The following MUC5B variants were observed in gnomAD, a reference collection of about 807,000 sequenced individuals.
The protein encoded by MUC5B is mucin 5B, oligomeric mucus/gel-forming.
Under a neutral mutation model 376.9 loss-of-function variants are expected in MUC5B, and 116 were observed. That is an observed-to-expected ratio of 0.31 (90% CI 0.26 to 0.36). The LOEUF is 0.36. Among genes scored for constraint, MUC5B ranks in the 10% least tolerant of loss-of-function variants. The pLI is 1.00. For missense variants in MUC5B, 7,165 were observed against 7,769.9 expected (o/e 0.92, Z 2.93); for synonymous variants, 3,517 against 3,390.9 (o/e 1.04, Z -1.29).
In MUC5B at chr11:1,234,533, GCA is replaced by G; in HGVS notation, c.2489_2490del (p.His830LeufsTer77). On this transcript the variant is annotated frameshift_variant, in exon 21 of 49. Transcript: ENST00000529681. LOFTEE classifies it high-confidence loss of function. The surrounding 1 kb of genome is among the most constrained non-coding windows in gnomAD (Gnocchi z 6.3). ...GTACCTGCCTGGGCCCCACAGTTCAGCACACACTGCGTGTCCGGCTGTGTCTG... is the reference window on the plus strand; with the variant it reads ...GTACCTGCCTGGGCCCCACAGTTCAGCACACTGCGTGTCCGGCTGTGTCTG... The G allele has an allele frequency of 1.3e-6, 2 of 1,579,344 alleles. No individual in the cohort carries two copies. The highest frequency in any genetic ancestry group is 8.6e-7 in the Non-Finnish European group (1 of 1,163,490).
chr11:1,250,476 C>T lies in MUC5B; in HGVS notation c.13596C>T (p.Thr4532=). 1 of 1,597,642 alleles carries T rather than the reference C, an allele frequency of 6.3e-7. No homozygotes were observed. Among genetic ancestry groups the T allele is most frequent in the South Asian group, 1.1e-5 (1 of 90,806 alleles). Reference sequence around the variant, plus strand: ...CCATCCCCTCCTCCTCCCTGGGCACCACCTGGACCCGCCTATCACAGACCA... The same window carrying T: ...CCATCCCCTCCTCCTCCCTGGGCACTACCTGGACCCGCCTATCACAGACCA... ...FTAIPSSSLG[T]TWTRLSQTTT... Residue 4532 remains threonine, a synonymous_variant, in exon 31 of 49, where the codon ACC becomes ACT. Transcript: ENST00000529681.
In MUC5B at chr11:1,249,534, C is replaced by A; in HGVS notation, c.12654C>A (p.Ile4218=). The A allele has an allele frequency of 6.2e-7, 1 of 1,612,564 alleles. No homozygotes were observed. Among genetic ancestry groups the A allele is most frequent in the Non-Finnish European group, 8.5e-7 (1 of 1,179,676 alleles). ...GKFKMCFNYE[I]RVFCCNYGHC... The stretch of plus-strand genomic sequence containing the variant: ...TCAAGATGTGCTTCAACTATGAAAT[C>A]CGTGTGTTCTGCTGCAACTACGGCC... The change falls in exon 31 of 49, where the codon ATC becomes ATA. Residue 4218 remains isoleucine, a synonymous_variant. Transcript: ENST00000529681.
In MUC5B at chr11:1,257,714, A is replaced by C; in HGVS notation, c.16450+4A>C. 1.9e-6 allele frequency: 3 copies of C among 1,543,506 alleles called. No individual in the cohort carries two copies. Among genetic ancestry groups the C allele is most frequent in the Non-Finnish European group, 2.6e-6 (3 of 1,150,872 alleles). On this transcript the variant is annotated splice_donor_region_variant and intron_variant, in intron 41 of 48. Transcript: ENST00000529681. The surrounding 1 kb of genome is among the most constrained non-coding windows in gnomAD (Gnocchi z 8.9). ...TGCTGCCCCGAGACGGTGTGCGGTA[A>C]GACGCTGCAGAGCAGAGGTGCCCGG...
Position 1,253,381 on chromosome 11 carries a change from T to C in MUC5B, c.15217+401T>C, listed in dbSNP as rs1862754409. 6.6e-6 allele frequency among the ~76,000 whole-genome samples: 1 copy of C among 151,900 alleles called. No individual in the cohort carries two copies. Among genetic ancestry groups the C allele is most frequent in the African/African-American group, 2.4e-5 (1 of 41,342 alleles). On this transcript the variant is annotated intron_variant, in intron 33 of 48. Transcript: ENST00000529681. The surrounding 1 kb of genome is among the most constrained non-coding windows in gnomAD (Gnocchi z 4.3). ...GAAAGGGACCCTGCCCAGGGGCTTC[T>C]GGGGCCAGGAGAAGCTCAGGATGGA...
chr11:1,257,444 C>T lies in MUC5B; in HGVS notation c.16270-86C>T. The T allele has an allele frequency of 6.6e-7, 1 of 1,512,414 alleles. No homozygotes were observed. The highest frequency in any genetic ancestry group is 9.0e-7 in the Non-Finnish European group (1 of 1,109,748). The allele number at this position is 1,512,414 out of a possible 1,614,324, so 93.7% of individuals were successfully genotyped here. ...TCACTCTGGGCCACTCGGGTACCAG[C>T]CCGAGGGAGGGGGTGGCTGGACAGA... is the stretch of plus-strand genomic sequence containing the variant. On this transcript the variant is annotated intron_variant, in intron 40 of 48. Coordinates refer to ENST00000529681, the MANE Select transcript of MUC5B (RefSeq NM_002458.3). This position sits in a 1 kb window ranked among gnomAD's most constrained non-coding sequence, Gnocchi z 8.9.
Position 1,232,808 on chromosome 11 carries a change from G to A in MUC5B, c.2065+38G>A, listed in dbSNP as rs11026355. ...GCTGGGGGTGGGATGTGTCCACACC[G>A]CGTGGGGGTGCGGGGGACCCTGGCC... is the stretch of plus-strand genomic sequence containing the variant. On this transcript the variant is annotated intron_variant, in intron 17 of 48. Transcript: ENST00000529681. 482,353 of 1,545,292 alleles carry A rather than the reference G, an allele frequency of 0.31. 77,533 individuals carry two copies. The highest frequency in any genetic ancestry group is 0.6 in the East Asian group (25,830 of 43,300).
chr11:1,240,983 G>C lies in MUC5B; in HGVS notation c.4103G>C (p.Gly1368Ala), dbSNP rs765109151. The C allele has an allele frequency of 2.5e-6, 4 of 1,613,422 alleles. No homozygotes were observed. The highest frequency in any genetic ancestry group is 2.5e-6 in the Non-Finnish European group (3 of 1,179,838). ...ACGTTTGAAAACCTGAGGCAGAGAG[G>C]GTACCAGGTATGCCCTGTGCTGGCT... Reference protein sequence around the residue: ...FETFENLRQRGYQVCPVLADI... With the variant: ...FETFENLRQRAYQVCPVLADI... The change falls in exon 31 of 49, where the codon GGG becomes GCG. Residue 1368 changes from glycine to alanine, a missense_variant. Around this residue, in one of 31 missense-constraint regions of MUC5B, gnomAD observed 517 missense variants for 545.3 expected, o/e 0.95. Coordinates refer to ENST00000529681, the MANE Select transcript of MUC5B (RefSeq NM_002458.3).
chr11:1,246,395 C>T lies in MUC5B; in HGVS notation c.9515C>T (p.Thr3172Ile). 1 of 1,613,626 alleles carries T rather than the reference C, an allele frequency of 6.2e-7. No individual in the cohort carries two copies. Among genetic ancestry groups the T allele is most frequent in the South Asian group, 1.1e-5 (1 of 91,050 alleles). Residue 3172 changes from threonine to isoleucine, a missense_variant, in exon 31 of 49, where the codon ACC (threonine) becomes ATC (isoleucine). Transcript: ENST00000529681. ...WILTEPSTTATVTVPTGSTAT... is the reference protein window; with the variant it reads ...WILTEPSTTAIVTVPTGSTAT... ...CTCACAGAGCCCAGCACTACAGCCACCGTGACGGTGCCCACCGGATCCACG... is the reference window on the plus strand; with the variant it reads ...CTCACAGAGCCCAGCACTACAGCCATCGTGACGGTGCCCACCGGATCCACG...
chr11:1,236,785 T>C (rs1354218166), intron 24 of MUC5B, 140 bp from the exon 25 acceptor site: 29 of 1,177,940 alleles, frequency 2.5e-5, no homozygotes, highest in Non-Finnish European at 3.0e-5. Flanking sequence ...CTCCTACAAG[T>C]TCACCAGGCA....
chr11:1,250,530 C>T lies in MUC5B; in HGVS notation c.13650C>T (p.Ala4550=). Residue 4550 remains alanine (A), a synonymous_variant, in exon 31 of 49, where the codon GCC becomes GCT. Coordinates refer to ENST00000529681, the MANE Select transcript of MUC5B (RefSeq NM_002458.3). ...TTTPTATMST[A]TPSSTPETVH... is the part of the protein sequence containing the mutation. ...CACCCACGGCCACCATGTCCACAGC[C>T]ACACCCTCCTCCACTCCAGAGACTG... 6.2e-7 allele frequency: 1 copy of T among 1,613,340 alleles called. No individual in the cohort carries two copies. The highest frequency in any genetic ancestry group is 8.5e-7 in the Non-Finnish European group (1 of 1,179,560).
chr11:1,242,813 C>A lies in MUC5B; in HGVS notation c.5933C>A (p.Thr1978Asn), dbSNP rs370130228. Residue 1978 changes from threonine to asparagine, a missense_variant, in exon 31 of 49, where the codon ACC becomes AAC. Physicochemically the swap from Thr to Asn is moderately conservative, Grantham distance 65. Around this residue, in one of 31 missense-constraint regions of MUC5B, gnomAD observed 897 missense variants for 779.6 expected, o/e 1.15. Coordinates refer to ENST00000529681, the MANE Select transcript of MUC5B (RefSeq NM_002458.3). ...AGCACAGCCACCACACCCACAGCTACCAGCGTTACACCCATCCCCTCTTCC... is the reference window on the plus strand; with the variant it reads ...AGCACAGCCACCACACCCACAGCTAACAGCGTTACACCCATCCCCTCTTCC... ...LRSTATTPTA[T>N]SVTPIPSSSL... 6.2e-7 allele frequency: 1 copy of A among 1,613,174 alleles called. No individual in the cohort carries two copies. Among genetic ancestry groups the A allele is most frequent in the African/African-American group, 1.3e-5 (1 of 74,734 alleles).
rs768873916 is a variant in MUC5B at position 1,254,202 on chromosome 11, G to C, written c.15328G>C (p.Gly5110Arg). The C allele has an allele frequency of 9.3e-6, 15 of 1,612,696 alleles. No homozygotes were observed. The East Asian group carries it at 3.3e-4, about 36-fold the overall frequency. ...CATGAGAGAGATCCATGCACGCTTT[G>C]GGAATCTCAGCCTCTACCTGGACAA... The part of the protein sequence containing the change: ...VLMREIHARF[G>R]NLSLYLDNHY... The change falls in exon 34 of 49, where the codon GGG becomes CGG. Residue 5110 changes from glycine to arginine, a missense_variant. Around this residue, in one of 31 missense-constraint regions of MUC5B, gnomAD observed 842 missense variants for 1,016.9 expected, o/e 0.83. Coordinates refer to ENST00000529681, the MANE Select transcript of MUC5B (RefSeq NM_002458.3).
chr11:1,233,900 C>T lies in MUC5B; in HGVS notation c.2377+52C>T, dbSNP rs1251675221. ...CCCTGCCCCGCCCCGCATCACCCCG[C>T]CTGGCCTGGCCCCAACACGCCCCAC... On this transcript the variant is annotated intron_variant, in intron 19 of 48. Coordinates refer to ENST00000529681, the MANE Select transcript of MUC5B (RefSeq NM_002458.3). The T allele has an allele frequency of 2.0e-6, 3 of 1,527,998 alleles. No homozygotes were observed. In the African/African-American group the frequency reaches 4.1e-5, roughly 21 times the overall value. The allele number at this position is 1,527,998 out of a possible 1,614,324, so 94.7% of individuals were successfully genotyped here. A position where few individuals can be genotyped will look rare whatever the true frequency, so the allele number is the denominator to read the frequency against.
rs925000468 is a variant in MUC5B, at chr11:1,239,846, C to G, written c.3631C>G (p.Gln1211Glu). 3 of 1,613,128 alleles carry G rather than the reference C, an allele frequency of 1.9e-6. No individual in the cohort carries two copies. The highest frequency in any genetic ancestry group is 1.1e-5 in the South Asian group (1 of 90,878). ...CAGCCAGCCCTTCTTCAATGAGGACCAGATGAAGTGCGTGGCCCAGTGTGG... is the reference window on the plus strand; with the variant it reads ...CAGCCAGCCCTTCTTCAATGAGGACGAGATGAAGTGCGTGGCCCAGTGTGG... ...PPSQPFFNED[Q>E]MKCVAQCGCY... Residue 1211 changes from glutamine to glutamate, a missense_variant, in exon 28 of 49, where the codon CAG becomes GAG. Physicochemically the swap from Gln to Glu is conservative, Grantham distance 29. This residue lies in a region of MUC5B where 517 missense variants were observed against 545.3 expected (regional missense o/e 0.95). Transcript: ENST00000529681.
Position 1,227,762 on chromosome 11 carries a change from C to A in MUC5B, c.755C>A (p.Ala252Asp). The A allele has an allele frequency of 1.4e-6, 1 of 717,860 alleles. No individual in the cohort carries two copies. Among genetic ancestry groups the A allele is most frequent in the Non-Finnish European group, 2.6e-6 (1 of 385,176 alleles). The allele number at this position is 717,860 out of a possible 1,614,324, so 44.5% of individuals were successfully genotyped here. A position where few individuals can be genotyped will look rare whatever the true frequency, so the allele number is the denominator to read the frequency against. Residue 252 changes from alanine to aspartate, a missense_variant, in exon 7 of 49, where the codon GCC (alanine) becomes GAC (aspartate). Physicochemically the swap from Ala to Asp is moderately radical, Grantham distance 126 (BLOSUM62 -2). Coordinates refer to ENST00000529681, the MANE Select transcript of MUC5B (RefSeq NM_002458.3). ...EQCPDPLPLP[A>D]GNCTDEEGIC... The stretch of plus-strand genomic sequence containing the variant: ...TGCCCGGACCCGCTGCCCTTGCCGG[C>A]CGGCAACTGCACGGACGAGGTGAGT...
In MUC5B at chr11:1,229,221, C is replaced by T. The variant is rs530167412; in HGVS notation, c.1028C>T (p.Thr343Met). 26 of 1,600,028 alleles carry T rather than the reference C, an allele frequency of 1.6e-5. 1 individual carries two copies. The highest frequency in any genetic ancestry group is 6.7e-5 in the South Asian group (6 of 89,178). ...MQHQECGSPC[T>M]DTCSNPQRAQ... is the part of the protein sequence containing the mutation. Reference sequence around the variant, plus strand: ...CACCAGGAGTGTGGCTCACCCTGCACGGACACCTGCTCCAACCCCCAGCGC... The same window carrying T: ...CACCAGGAGTGTGGCTCACCCTGCATGGACACCTGCTCCAACCCCCAGCGC... Residue 343 changes from threonine to methionine, a missense_variant, in exon 9 of 49, where the codon ACG becomes ATG. This residue lies in a region of MUC5B where 640 missense variants were observed against 733.0 expected (regional missense o/e 0.87). Transcript: ENST00000529681.
rs760285935 is a variant in MUC5B, at chr11:1,236,491, G to A, written c.2986G>A (p.Glu996Lys). 3.7e-6 allele frequency: 6 copies of A among 1,613,026 alleles called. No homozygotes were observed. Among genetic ancestry groups the A allele is most frequent in the East Asian group, 2.2e-5 (1 of 44,890 alleles). Reference protein sequence around the residue: ...IRYMGIFLVIETHGMAVSWDR... With the variant: ...IRYMGIFLVIKTHGMAVSWDR... ...CTACATGGGGATCTTCCTGGTCATC[G>A]AGACCCACGGGATGGCCGTGTCCTG... The change falls in exon 24 of 49, where the codon GAG becomes AAG. Residue 996 changes from glutamate (E) to lysine (K), a missense_variant. Coordinates refer to ENST00000529681, the MANE Select transcript of MUC5B (RefSeq NM_002458.3).
Position 1,250,220 on chromosome 11 carries a change from C to A in MUC5B, c.13340C>A (p.Thr4447Asn). Residue 4447 changes from threonine (T) to asparagine (N), a missense_variant, in exon 31 of 49, where the codon ACC becomes AAC. Thr to Asn is a moderately conservative substitution (Grantham distance 65). Transcript: ENST00000529681. Reference sequence around the variant, plus strand: ...ACCCCGTCCTCCACCCCAGGGACCACCTGGATCCTCACAGAGCCGAGCACT... The same window carrying A: ...ACCCCGTCCTCCACCCCAGGGACCAACTGGATCCTCACAGAGCCGAGCACT... ...TATPSSTPGT[T>N]WILTEPSTTA... 3 of 1,609,380 alleles carry A rather than the reference C, an allele frequency of 1.9e-6. No homozygotes were observed. Among genetic ancestry groups the A allele is most frequent in the East Asian group, 2.2e-5 (1 of 44,842 alleles).
Position 1,246,605 on chromosome 11 carries a change from C to T in MUC5B, c.9725C>T (p.Ser3242Phe). The T allele has an allele frequency of 3.7e-6, 6 of 1,613,392 alleles. No homozygotes were observed. Among genetic ancestry groups the T allele is most frequent in the Non-Finnish European group, 5.1e-6 (6 of 1,179,634 alleles). Residue 3242 changes from serine (S) to phenylalanine (F), a missense_variant, in exon 31 of 49, where the codon TCT (serine) becomes TTT (phenylalanine). By Grantham distance (155) the Ser-to-Phe change is radical. Around this residue, in one of 31 missense-constraint regions of MUC5B, gnomAD observed 939 missense variants for 770.6 expected, o/e 1.22. Coordinates refer to ENST00000529681, the MANE Select transcript of MUC5B (RefSeq NM_002458.3). ...GCTACCAGCGTTACAGCCATCCCCT[C>T]TTCCTCCCTGGGCACCGCCTGGACC... The part of the protein sequence containing the change: ...PTATSVTAIP[S>F]SSLGTAWTRL...
Sources: allele counts gnomAD v4.1 joint callset (sites outside exome capture counted in the v4.1 genomes callset), GRCh38; gene constraint gnomAD v4.1.1; regional missense constraint gnomAD v4.1.1; non-coding constraint Gnocchi (gnomAD v3.1); transcripts MANE v1.5; gene names NCBI Gene and HGNC (gene_info 2026-07-23, HGNC 2026-07-21).